The following FBXO42 variants were observed in gnomAD, a reference collection of about 807,000 sequenced individuals.
The protein encoded by FBXO42 is F-box only protein 42.
In FBXO42, 12 loss-of-function variants were observed where a neutral mutation model predicts 71.7. That is an observed-to-expected ratio of 0.17 (90% CI 0.11 to 0.27). The LOEUF is 0.27. Ranked by LOEUF, FBXO42 falls within the 10% of genes least tolerant of loss-of-function variation. The pLI is 1.00. For missense variants in FBXO42, 707 were observed against 911.9 expected (o/e 0.78, Z 2.89); for synonymous variants, 325 against 327.5 (o/e 0.99, Z 0.08).
intron 4 of FBXO42, among the ~76,000 whole-genome samples, chr1:16,289,304 C>T (rs552856184): frequency 1.3e-5 from 2 of 151,528 alleles, no homozygotes; most frequent in African/African-American, 2.4e-5. Context: ...TGCAGGAGGC[C>T]GAGGTGGGAG....
intron 1 of FBXO42, among the ~76,000 whole-genome samples, chr1:16,343,973 C>T (rs1019004029): frequency 2.0e-5 from 3 of 148,778 alleles, no homozygotes; most frequent in Non-Finnish European, 4.5e-5. Flanking sequence ...AAAACAACAA[C>T]AAAAAAAGAA....
At chr1:16,342,774 T>C (rs775692987) in intron 1 of FBXO42, among the ~76,000 whole-genome samples, 8 of 151,914 alleles carry the variant, frequency 5.3e-5, no homozygotes, top group Non-Finnish European at 1.2e-4. Flanking sequence ...GCCTACTGGG[T>C]GGTGTTTAGG....
chr1:16,261,634 T>G (rs940129797), intron 4 of FBXO42, among the ~76,000 whole-genome samples: 1 of 152,098 alleles, frequency 6.6e-6, no homozygotes, highest in Non-Finnish European at 1.5e-5. Context: ...ACAAATGAGG[T>G]GGCAGAGATC....
intron 1 of FBXO42, among the ~76,000 whole-genome samples, chr1:16,316,169 C>CAA (rs58485035): frequency 0.091 from 9,875 of 108,872 alleles, 481 homozygotes; most frequent in Non-Finnish European, 0.12. Context: ...ACCTCCATCT[C>CAA]AAAAAAAAAA....
chr1:16,316,182 AAAAAAGAAAGAAAG>A (rs1399480690), intron 1 of FBXO42, among the ~76,000 whole-genome samples: 5 of 151,608 alleles, frequency 3.3e-5, no homozygotes, highest in African/African-American at 1.2e-4. Context: ...AAAAAAAAAA[AAAAAAGAAAGAAAG>A]AAAAGAAAGA....
chr1:16,314,556 AT>A (rs1157538252), intron 2 of FBXO42, among the ~76,000 whole-genome samples: 1 of 152,222 alleles, frequency 6.6e-6, no homozygotes, highest in Non-Finnish European at 1.5e-5. Flanking sequence ...TTGACACGTG[AT>A]AAAAGCTATG....
intron 6 of FBXO42, among the ~76,000 whole-genome samples, chr1:16,254,043 G>A (rs1338049951): frequency 6.6e-6 from 1 of 152,058 alleles, no homozygotes; most frequent in East Asian, 1.9e-4. Context: ...TAAAATGAAG[G>A]GACCTTTATA....
At chr1:16,327,357 G>A (rs532459317) in intron 1 of FBXO42, among the ~76,000 whole-genome samples, 27 of 152,172 alleles carry the variant, frequency 1.8e-4, no homozygotes, top group African/African-American at 5.8e-4. Flanking sequence ...CTTCACTGAC[G>A]AATTAACTGA....
intron 3 of FBXO42, among the ~76,000 whole-genome samples, chr1:16,305,310 C>T (rs1484954102): frequency 1.3e-5 from 2 of 152,220 alleles, no homozygotes; most frequent in African/African-American, 4.8e-5. Flanking sequence ...ACTGCCTGAG[C>T]CGAGGAGGTC....
intron 3 of FBXO42, among the ~76,000 whole-genome samples, chr1:16,300,810 C>T (rs573660453): frequency 6.7e-6 from 1 of 150,244 alleles, no homozygotes; most frequent in Non-Finnish European, 1.5e-5. Context: ...AGACCCCCTA[C>T]ATCAATCTGA....
rs775964452 is a variant in FBXO42, at chr1:16,251,561, T to G, written c.1263A>C (p.Ser421=). The part of the protein sequence containing the change: ...LRPRAQRQTP[S]GSREGSLSPA... The stretch of plus-strand genomic sequence containing the variant: ...GGGAAAGGCTCCCTTCCCGGGAACC[T>G]GAAGGAGTCTGCCTTTGAGCCCTGG... Residue 421 remains serine (S), a synonymous_variant, in exon 10 of 10, where the codon TCA becomes TCC. Coordinates refer to ENST00000375592, the MANE Select transcript of FBXO42 (RefSeq NM_018994.3). This position sits in a 1 kb window ranked among gnomAD's most constrained non-coding sequence, Gnocchi z 4.5. 1.1e-5 allele frequency: 17 copies of G among 1,613,990 alleles called. No individual in the cohort carries two copies. The highest frequency in any genetic ancestry group is 1.4e-5 in the Non-Finnish European group (16 of 1,180,002).
intron 1 of FBXO42, among the ~76,000 whole-genome samples, chr1:16,350,573 C>CAAAAAAAAAAA (rs60358251): frequency 7.5e-5 from 5 of 66,788 alleles, no homozygotes; most frequent in African/African-American, 1.2e-4. Context: ...ACTAAAATTA[C>CAAAAAAAAAAA]AAAAAAAAAA....
At chr1:16,288,415 C>T (rs947322061) in intron 4 of FBXO42, among the ~76,000 whole-genome samples, 10 of 150,606 alleles carry the variant, frequency 6.6e-5, no homozygotes, top group South Asian at 2.1e-4. Context: ...GGTGACAGAG[C>T]GAGACTCCAT....
At chr1:16,273,916 G>A (rs1446154310) in intron 4 of FBXO42, among the ~76,000 whole-genome samples, 1 of 152,098 alleles carries the variant, frequency 6.6e-6, no homozygotes, top group Non-Finnish European at 1.5e-5. Flanking sequence ...ATATTAAGAA[G>A]CACTCATGGT....
At chr1:16,273,129 G>A (rs964081840) in intron 4 of FBXO42, among the ~76,000 whole-genome samples, 1 of 152,074 alleles carries the variant, frequency 6.6e-6, no homozygotes, top group Non-Finnish European at 1.5e-5. Context: ...AACTATGAAA[G>A]GTAGGTATTA....
chr1:16,330,310 C>T (rs992274974), intron 1 of FBXO42, among the ~76,000 whole-genome samples: 2 of 151,532 alleles, frequency 1.3e-5, no homozygotes, highest in African/African-American at 4.9e-5. Context: ...CACTTGAGCC[C>T]AGGAGTTCAA....
At chr1:16,330,369 T>C (rs909179304) in intron 1 of FBXO42, among the ~76,000 whole-genome samples, 1 of 151,792 alleles carries the variant, frequency 6.6e-6, no homozygotes, top group Non-Finnish European at 1.5e-5. Context: ...AAAAAAAATT[T>C]AAAAATTAGC....
At chr1:16,324,258 A>G (rs1206919762) in intron 1 of FBXO42, among the ~76,000 whole-genome samples, 1 of 152,192 alleles carries the variant, frequency 6.6e-6, no homozygotes, top group African/African-American at 2.4e-5. Context: ...CTTGACTGCT[A>G]TCAAATATTA....
intron 1 of FBXO42, among the ~76,000 whole-genome samples, chr1:16,326,683 C>CAAAAAAAAAAAAA (rs397860543): frequency 1.9e-5 from 2 of 103,116 alleles, no homozygotes; most frequent in Non-Finnish European, 4.0e-5. Context: ...AACCCTGTCT[C>CAAAAAAAAAAAAA]AAAAAAAAAA....
Sources: gnomAD v4.1 joint callset for allele counts (sites outside exome capture counted in the v4.1 genomes callset) on GRCh38, gnomAD v4.1.1 for gene constraint, Gnocchi (gnomAD v3.1) non-coding constraint, MANE v1.5 for transcripts, NCBI Gene and HGNC (gene_info 2026-07-23, HGNC 2026-07-21) for gene names.